COG6: variants seen among roughly 807,000 people sequenced by gnomAD.
COG6 encodes the protein conserved oligomeric Golgi complex subunit 6.
In COG6, 74 loss-of-function variants were observed where a neutral mutation model predicts 88.8. The ratio of observed to expected loss-of-function variants is 0.83; its 90% CI spans 0.69 to 1.01. The LOEUF (loss-of-function observed/expected upper bound fraction) is 1.01, where lower values mean the gene tolerates loss of function less well. Ranked by LOEUF, COG6 falls within the 50% of genes least tolerant of loss-of-function variation. The pLI, the probability that COG6 is intolerant of heterozygous loss-of-function variation, is 0.00. For synonymous variants in COG6, 286 were observed against 278.7 expected, an observed-to-expected ratio of 1.03 and a Z score of -0.26; for missense variants, 800 against 797.9, an observed-to-expected ratio of 1.00 and a Z score of -0.03.
At chr13:39,759,384 T>C (rs1272953357) in intron 18 of COG6, among the ~76,000 whole-genome samples, 2 of 152,196 alleles carry the variant, frequency 1.3e-5, no homozygotes, top group Non-Finnish European at 2.9e-5. Context: ...GATATATAAT[T>C]GTCCAGTCTT....
chr13:39,752,499 T>C lies in COG6; in HGVS notation c.*1406T>C. The stretch of plus-strand genomic sequence containing the variant: ...AGAAAATAAAGTATAAATCAAGAGC[T>C]TAAATTGTATATAATTTATTTCTAC... On this transcript the variant is annotated 3_prime_UTR_variant, in exon 19 of 19. Coordinates refer to ENST00000455146, the MANE Select transcript of COG6 (RefSeq NM_020751.3). The C allele has an allele frequency of 8.6e-7, 1 of 1,158,726 alleles. No individual in the cohort carries two copies. Among genetic ancestry groups the C allele is most frequent in the African/African-American group, 1.6e-5 (1 of 62,218 alleles). 71.8% of individuals were successfully genotyped at this position (1,158,726 alleles called of 1,614,324 possible).
chr13:39,760,072 A>G (rs760425858), intron 18 of COG6, among the ~76,000 whole-genome samples: 4 of 152,202 alleles, frequency 2.6e-5, no homozygotes, highest in Non-Finnish European at 4.4e-5. Context: ...CAACATCTGA[A>G]ATTCCACTGG....
chr13:39,752,038 A>G lies in COG6; in HGVS notation c.*945A>G, dbSNP rs758301590. On this transcript the variant is annotated 3_prime_UTR_variant, in exon 19 of 19. Coordinates refer to ENST00000455146, the MANE Select transcript of COG6 (RefSeq NM_020751.3). ...CCAATTGGCAGTGTGTCTTATCTCC[A>G]TGTTGTAACTGGACTCTGACTTTAG... The G allele has an allele frequency of 4.7e-6, 6 of 1,284,838 alleles. No homozygotes were observed. In the South Asian group the frequency reaches 6.2e-5, roughly 13 times the overall value. The allele number at this position is 1,284,838 out of a possible 1,614,324, so 79.6% of individuals were successfully genotyped here.
intron 18 of COG6, among the ~76,000 whole-genome samples, chr13:39,765,659 T>C (rs1448115029): frequency 6.6e-6 from 1 of 152,254 alleles, no homozygotes; most frequent in African/African-American, 2.4e-5. Flanking sequence ...GGTGGTTTCT[T>C]GAACAAAATA....
chr13:39,697,339 A>T (rs1159905086), intron 12 of COG6, among the ~76,000 whole-genome samples: 1 of 150,518 alleles, frequency 6.6e-6, no homozygotes, highest in Non-Finnish European at 1.5e-5. Flanking sequence ...GAAGAGGAGA[A>T]ACGACAAAAC....
chr13:39,705,199 T>C (rs920068716), intron 13 of COG6, among the ~76,000 whole-genome samples: 2 of 152,168 alleles, frequency 1.3e-5, no homozygotes, highest in African/African-American at 2.4e-5. Flanking sequence ...AATAGTATAA[T>C]TGTTGGAAAG....
rs145391888 is a variant in COG6, at chr13:39,689,917, A to G, written c.1074+93A>G. The G allele has an allele frequency of 2.3e-5, 18 of 767,980 alleles. No homozygotes were observed. The East Asian group carries it at 3.2e-4, about 14-fold the overall frequency. 47.6% of individuals were successfully genotyped at this position (767,980 alleles called of 1,614,324 possible). A position where few individuals can be genotyped will look rare whatever the true frequency, so the allele number is the denominator to read the frequency against. On this transcript the variant is annotated intron_variant, in intron 11 of 18. Transcript: ENST00000455146. The stretch of plus-strand genomic sequence containing the variant: ...TTAAGAAACTGATACCAGCTCAAAT[A>G]CAATCTATAATTTTTTCAAATTAGC...
At chr13:39,761,447 G>A (rs1881009559) in intron 18 of COG6, among the ~76,000 whole-genome samples, 1 of 151,870 alleles carries the variant, frequency 6.6e-6, no homozygotes. Flanking sequence ...AAAACATATG[G>A]GAAACACTTC....
intron 13 of COG6, among the ~76,000 whole-genome samples, chr13:39,704,116 C>T (rs1877744658): frequency 6.6e-6 from 1 of 152,102 alleles, no homozygotes; most frequent in Non-Finnish European, 1.5e-5. Context: ...GTATCTTATT[C>T]TTTCCCAAGT....
intron 1 of COG6, among the ~76,000 whole-genome samples, chr13:39,657,767 G>C (rs984311858): frequency 2.0e-5 from 3 of 152,102 alleles, no homozygotes; most frequent in Admixed American, 6.5e-5. Flanking sequence ...TTGGTTCTCT[G>C]CTCTCTCTTC....
At chr13:39,771,111 C>T (rs560256493) in intron 18 of COG6, among the ~76,000 whole-genome samples, 2 of 152,236 alleles carry the variant, frequency 1.3e-5, no homozygotes, top group South Asian at 4.1e-4. Context: ...AGCACTGCCA[C>T]CCCCTCCCAC....
intron 13 of COG6, among the ~76,000 whole-genome samples, chr13:39,715,271 C>CTCTCTCTG (rs1555279500): frequency 1.2e-3 from 62 of 49,680 alleles, no homozygotes; most frequent in African/African-American, 3.8e-3. Flanking sequence ...CTCTCTCTCT[C>CTCTCTCTG]TATACACACA....
Position 39,724,575 on chromosome 13 carries a change from A to G in COG6, c.1746+14A>G, listed in dbSNP as rs764427888. ...AAGGCTGCAATGGTAAGTGTATAAT[A>G]AAACATTTTAATTTAGATTTCCTTA... On this transcript the variant is annotated intron_variant, in intron 17 of 18. Coordinates refer to ENST00000455146, the MANE Select transcript of COG6 (RefSeq NM_020751.3). The G allele has an allele frequency of 6.1e-5, 96 of 1,573,926 alleles. No individual in the cohort carries two copies. The highest frequency in any genetic ancestry group is 8.4e-5 in the Non-Finnish European group (96 of 1,144,656).
chr13:39,714,515 A>G (rs1329436575), intron 13 of COG6, among the ~76,000 whole-genome samples: 1 of 152,188 alleles, frequency 6.6e-6, no homozygotes, highest in Non-Finnish European at 1.5e-5. Flanking sequence ...TAACAAACAT[A>G]TGAAAAATGC....
intron 18 of COG6, among the ~76,000 whole-genome samples, chr13:39,784,984 G>C (rs780228533): frequency 4.6e-5 from 7 of 152,186 alleles, no homozygotes; most frequent in Non-Finnish European, 7.3e-5. Flanking sequence ...AACTGCCAGG[G>C]ACTAGGCAGG....
intron 18 of COG6, among the ~76,000 whole-genome samples, chr13:39,777,418 G>A (rs567338970): frequency 6.6e-6 from 1 of 152,282 alleles, no homozygotes; most frequent in South Asian, 2.1e-4. Context: ...TGGAGCTGGA[G>A]AGGATAGCTA....
chr13:39,703,002 C>G (rs1256447648), intron 13 of COG6, among the ~76,000 whole-genome samples: 14 of 152,070 alleles, frequency 9.2e-5, no homozygotes, highest in Non-Finnish European at 1.8e-4. Context: ...TGCCATTTTA[C>G]CACATTCACT....
intron 18 of COG6, among the ~76,000 whole-genome samples, chr13:39,779,607 T>C (rs912893642): frequency 1.3e-5 from 2 of 152,224 alleles, no homozygotes; most frequent in African/African-American, 2.4e-5. Context: ...CCCAGGGTCC[T>C]GCTGAAATCA....
At chr13:39,701,178 A>G (rs1264256350) in intron 13 of COG6, among the ~76,000 whole-genome samples, 3 of 151,882 alleles carry the variant, frequency 2.0e-5, no homozygotes, top group Non-Finnish European at 4.4e-5. Context: ...AAAATCTTCA[A>G]AACTTGATGA....
Sources: allele counts gnomAD v4.1 joint callset (sites outside exome capture counted in the v4.1 genomes callset), GRCh38; gene constraint gnomAD v4.1.1; transcripts MANE v1.5; gene names NCBI Gene and HGNC (gene_info 2026-07-23, HGNC 2026-07-21).